Variants in PTPRZ1 observed in about 807,000 individuals in gnomAD.
PTPRZ1 encodes protein tyrosine phosphatase receptor type Z1.
PTPRZ1 carries 82 observed loss-of-function variants against 214.1 expected under a neutral mutation model. That is an observed-to-expected ratio of 0.38 (90% CI 0.32 to 0.46). The LOEUF (loss-of-function observed/expected upper bound fraction) is 0.46. Among genes scored for constraint, PTPRZ1 ranks in the 20% least tolerant of loss-of-function variants. PTPRZ1 has a pLI of 1.00. For missense variants in PTPRZ1, 2,603 were observed against 2,748.7 expected, an observed-to-expected ratio of 0.95 and a Z score of 1.19; for synonymous variants, 945 against 987.9, an observed-to-expected ratio of 0.96 and a Z score of 0.81.
intron 13 of PTPRZ1, among the ~76,000 whole-genome samples, chr7:122,024,542 A>G (rs1309298008): frequency 6.6e-6 from 1 of 152,120 alleles, no homozygotes; most frequent in Non-Finnish European, 1.5e-5. Context: ...ACTACAAAGT[A>G]TACCTAACCA....
chr7:121,930,278 T>C (rs762558007), intron 2 of PTPRZ1, among the ~76,000 whole-genome samples: 21 of 152,172 alleles, frequency 1.4e-4, no homozygotes, highest in Admixed American at 6.5e-4. Flanking sequence ...CATACATCTA[T>C]AAAATACTAC....
At chr7:122,004,291 A>G (rs1798413797) in intron 10 of PTPRZ1, among the ~76,000 whole-genome samples, 1 of 152,076 alleles carries the variant, frequency 6.6e-6, no homozygotes, top group Non-Finnish European at 1.5e-5. Context: ...CTTTACACTC[A>G]GTTTTATCAG....
Position 122,054,964 on chromosome 7 carries a change from G to A in PTPRZ1, c.6405G>A (p.Trp2135Ter). The A allele has an allele frequency of 6.2e-7, 1 of 1,601,076 alleles. No individual in the cohort carries two copies. Among genetic ancestry groups the A allele is most frequent in the Non-Finnish European group, 8.5e-7 (1 of 1,174,552 alleles). ...AGGCAGAAGATGAATTTGTTTACTG[G>A]CCAAATAAAGATGAGCCTATAAATT... ...QNMAEDEFVY[W>*]PNKDEPINCE... Residue 2135 changes from tryptophan to a stop codon, truncating the protein, a stop_gained, in exon 27 of 30, where the codon TGG (tryptophan) becomes TGA (stop). Transcript: ENST00000393386. LOFTEE classifies it high-confidence loss of function.
At chr7:121,928,442 T>C (rs1159311619) in intron 2 of PTPRZ1, among the ~76,000 whole-genome samples, 2 of 152,184 alleles carry the variant, frequency 1.3e-5, no homozygotes, top group African/African-American at 2.4e-5. Context: ...ACCCAAACTG[T>C]ATTTGAAGCT....
At chr7:122,058,512 T>C (rs904177205) in intron 27 of PTPRZ1, among the ~76,000 whole-genome samples, 2 of 152,144 alleles carry the variant, frequency 1.3e-5, no homozygotes, top group Non-Finnish European at 2.9e-5. Flanking sequence ...CTTTGATACA[T>C]AGTTTCATGG....
chr7:121,980,192 C>A (rs779732750), intron 6 of PTPRZ1, among the ~76,000 whole-genome samples: 6 of 152,156 alleles, frequency 3.9e-5, no homozygotes, highest in Non-Finnish European at 8.8e-5. Context: ...TTCATTTCCA[C>A]CTAACTTAGC....
intron 1 of PTPRZ1, among the ~76,000 whole-genome samples, chr7:121,897,993 A>G (rs1794844308): frequency 6.6e-6 from 1 of 152,202 alleles, no homozygotes; most frequent in Non-Finnish European, 1.5e-5. Context: ...AGAAGGAAAA[A>G]AGAACTTTGC....
At chr7:121,875,868 G>T (rs1454194457) in intron 1 of PTPRZ1, among the ~76,000 whole-genome samples, 3 of 152,186 alleles carry the variant, frequency 2.0e-5, no homozygotes, top group Admixed American at 6.5e-5. Flanking sequence ...GTTTGTGGAT[G>T]CGTTTACCCC....
At chr7:121,899,975 A>G (rs1474441713) in intron 1 of PTPRZ1, among the ~76,000 whole-genome samples, 1 of 152,206 alleles carries the variant, frequency 6.6e-6, no homozygotes, top group Non-Finnish European at 1.5e-5. Flanking sequence ...GACACAGATC[A>G]GTTTTCTGAA....
intron 1 of PTPRZ1, among the ~76,000 whole-genome samples, chr7:121,874,828 G>A (rs1424116967): frequency 1.3e-5 from 2 of 152,180 alleles, no homozygotes; most frequent in East Asian, 1.9e-4. Context: ...CTTATAGTCA[G>A]TTCTGGAGAG....
intron 1 of PTPRZ1, among the ~76,000 whole-genome samples, chr7:121,883,508 A>G (rs528123506): frequency 1.3e-5 from 2 of 152,360 alleles, no homozygotes; most frequent in East Asian, 1.9e-4. Context: ...ATTTATGTCC[A>G]TAAACTAGCA....
chr7:121,888,132 G>A (rs568115797), intron 1 of PTPRZ1, among the ~76,000 whole-genome samples: 1 of 152,096 alleles, frequency 6.6e-6, no homozygotes, highest in South Asian at 2.1e-4. Flanking sequence ...ACGAGAGACA[G>A]TGTTTTTTGA....
intron 23 of PTPRZ1, among the ~76,000 whole-genome samples, chr7:122,050,088 A>G (rs1792122619): frequency 6.6e-6 from 1 of 152,098 alleles, no homozygotes; most frequent in South Asian, 2.1e-4. Context: ...TGTATTCAAG[A>G]TGGATTAACT....
chr7:121,980,205 C>T (rs1191569353), intron 6 of PTPRZ1, among the ~76,000 whole-genome samples: 4 of 152,064 alleles, frequency 2.6e-5, no homozygotes, highest in Admixed American at 2.6e-4. Context: ...AACTTAGCAG[C>T]GAGTCAATTT....
intron 2 of PTPRZ1, among the ~76,000 whole-genome samples, chr7:121,942,378 T>G (rs982651560): frequency 2.6e-5 from 4 of 152,372 alleles, no homozygotes; most frequent in Middle Eastern, 3.4e-3. Flanking sequence ...CTCAATTGTT[T>G]GCTTTTTAGC....
chr7:121,994,783 ACAT>A (rs1272962727), intron 8 of PTPRZ1, among the ~76,000 whole-genome samples: 9 of 152,210 alleles, frequency 5.9e-5, no homozygotes, highest in African/African-American at 1.9e-4. Context: ...CAGTAGAGTA[ACAT>A]CATGTAGTAT....
intron 8 of PTPRZ1, among the ~76,000 whole-genome samples, chr7:121,994,354 G>A (rs1798069935): frequency 7.7e-6 from 1 of 129,936 alleles, no homozygotes; most frequent in Non-Finnish European, 1.5e-5. Context: ...GAGTGCAGTG[G>A]CGCAATCTGG....
At chr7:121,927,613 A>G (rs1363625615) in intron 1 of PTPRZ1, among the ~76,000 whole-genome samples, 1 of 152,224 alleles carries the variant, frequency 6.6e-6, no homozygotes, top group Non-Finnish European at 1.5e-5. Context: ...TATCTGACGT[A>G]ACATTTCTCC....
At chr7:121,901,246 G>T (rs572388167) in intron 1 of PTPRZ1, among the ~76,000 whole-genome samples, 2 of 152,004 alleles carry the variant, frequency 1.3e-5, no homozygotes, top group Non-Finnish European at 1.5e-5. Flanking sequence ...TTTCATTTTC[G>T]TCTTCACAAC....
Sources: gnomAD v4.1 joint callset for allele counts (sites outside exome capture counted in the v4.1 genomes callset) on GRCh38, gnomAD v4.1.1 for gene constraint, MANE v1.5 for transcripts, NCBI Gene and HGNC (gene_info 2026-07-23, HGNC 2026-07-21) for gene names.